RAB38: variants seen among roughly 807,000 people sequenced by gnomAD.
RAB38 encodes RAB38, member RAS oncogene family.
Under a neutral mutation model 18.4 loss-of-function variants are expected in RAB38, and 15 were observed. The observed-to-expected ratio is 0.82, with a 90% CI of 0.55 to 1.26. The LOEUF (loss-of-function observed/expected upper bound fraction) is 1.26, where lower values mean the gene tolerates loss of function less well. Among genes scored for constraint, RAB38 ranks in the 50% most tolerant of loss-of-function variants. The probability of loss-of-function intolerance (pLI) is 0.00; values close to 1 mark genes in which losing one functional copy is unlikely to be tolerated. For missense variants in RAB38, 294 were observed against 267.4 expected (o/e 1.10, Z -0.69); for synonymous variants, 101 against 104.4 (o/e 0.97, Z 0.20).
At chr11:88,144,431 G>A (rs1197261696) in intron 2 of RAB38, among the ~76,000 whole-genome samples, 2 of 152,108 alleles carry the variant, frequency 1.3e-5, no homozygotes, top group East Asian at 1.9e-4. Context: ...AGCTTCCTAC[G>A]GCTGGAAATT....
At chr11:88,163,676 C>T (rs956083967) in intron 1 of RAB38, among the ~76,000 whole-genome samples, 2 of 151,996 alleles carry the variant, frequency 1.3e-5, no homozygotes, top group Non-Finnish European at 2.9e-5. Context: ...TTCATAATTA[C>T]CTTATAGAAC....
rs769010112 is a variant in RAB38 at position 88,114,134 on chromosome 11, T to C, written c.490A>G (p.Ile164Val). The stretch of plus-strand genomic sequence containing the variant: ...CATCTGGAGGCTTCATCAATGTTTA[T>C]ATTTTCCTATGAGGGAAAAAATAAA... ...GWFETSAKEN[I>V]NIDEASRCLV... is the part of the protein sequence containing the mutation. Residue 164 changes from isoleucine (I) to valine (V), a missense_variant, in exon 3 of 3, where the codon ATA becomes GTA. Coordinates refer to ENST00000243662, the MANE Select transcript of RAB38 (RefSeq NM_022337.3). 5.0e-6 allele frequency: 8 copies of C among 1,614,152 alleles called. No homozygotes were observed. The South Asian group carries it at 7.7e-5, about 16-fold the overall frequency.
At chr11:87,888,520 G>A in the RAB38 span, among the ~76,000 whole-genome samples, 1 of 151,898 alleles carries the variant, frequency 6.6e-6, no homozygotes, top group East Asian at 2.0e-4. Context: ...CTAGGATAAA[G>A]ATAATCCGTG....
chr11:87,919,597 T>G, the RAB38 span, among the ~76,000 whole-genome samples: 2 of 151,966 alleles, frequency 1.3e-5, no homozygotes, highest in African/African-American at 4.8e-5. Context: ...GCTTTGGTAT[T>G]AGAGTAATGC....
chr11:88,120,808 G>C (rs145197701), intron 2 of RAB38, among the ~76,000 whole-genome samples: 2 of 151,942 alleles, frequency 1.3e-5, no homozygotes, highest in African/African-American at 4.8e-5. Context: ...CCCCGCTTAC[G>C]TACCAAAAGT....
chr11:88,043,622 G>A, the RAB38 span, among the ~76,000 whole-genome samples: 5 of 35,060 alleles, frequency 1.4e-4, no homozygotes, highest in Non-Finnish European at 2.0e-4. Context: ...CCTGCCCACC[G>A]AGAACAACCC....
At chr11:87,882,693 A>C in the RAB38 span, among the ~76,000 whole-genome samples, 1 of 151,880 alleles carries the variant, frequency 6.6e-6, no homozygotes, top group Non-Finnish European at 1.5e-5. Context: ...CAGTCTCTAT[A>C]GCTACACTCA....
the RAB38 span, among the ~76,000 whole-genome samples, chr11:87,877,945 C>A: frequency 6.6e-6 from 1 of 151,320 alleles, no homozygotes; most frequent in Non-Finnish European, 1.5e-5. Flanking sequence ...ACCATGGTGT[C>A]TTCTCTGTTT....
chr11:87,895,497 G>A, the RAB38 span, among the ~76,000 whole-genome samples: 1 of 151,644 alleles, frequency 6.6e-6, no homozygotes. Context: ...CATGGGATGG[G>A]CAACTTAACT....
At chr11:87,821,190 G>A in the RAB38 span, among the ~76,000 whole-genome samples, 1 of 152,012 alleles carries the variant, frequency 6.6e-6, no homozygotes, top group Non-Finnish European at 1.5e-5. Flanking sequence ...TAAACCAAGG[G>A]AAATAAAGAA....
chr11:87,882,761 A>G, the RAB38 span, among the ~76,000 whole-genome samples: 4 of 151,826 alleles, frequency 2.6e-5, no homozygotes, highest in Non-Finnish European at 5.9e-5. Flanking sequence ...TTGGCATTAG[A>G]AACCATTCCC....
At chr11:87,876,918 A>T in the RAB38 span, among the ~76,000 whole-genome samples, 1 of 151,624 alleles carries the variant, frequency 6.6e-6, no homozygotes, top group Admixed American at 6.6e-5. Flanking sequence ...CACATAATAT[A>T]GTTTCAGTAG....
chr11:88,024,468 A>T, the RAB38 span, among the ~76,000 whole-genome samples: 3 of 152,164 alleles, frequency 2.0e-5, no homozygotes, highest in African/African-American at 7.2e-5. Context: ...TATGAAGAAC[A>T]CTTTAGAGGT....
chr11:87,814,748 T>A, the RAB38 span, among the ~76,000 whole-genome samples: 1 of 151,932 alleles, frequency 6.6e-6, no homozygotes, highest in African/African-American at 2.4e-5. Context: ...TTCTTTTTTT[T>A]TTTGAGACAG....
At chr11:88,166,132 G>A (rs1353422580) in intron 1 of RAB38, 1 of 152,092 alleles carries the variant, frequency 6.6e-6, no homozygotes, top group Non-Finnish European at 1.5e-5. Context: ...AAGGCTCAGA[G>A]GCAATAAGCA....
the RAB38 span, among the ~76,000 whole-genome samples, chr11:88,020,182 A>T: frequency 6.6e-6 from 1 of 152,208 alleles, no homozygotes; most frequent in African/African-American, 2.4e-5. Context: ...AATAGATAAA[A>T]TCAAGACCCA....
chr11:88,006,246 T>A, the RAB38 span, among the ~76,000 whole-genome samples: 1 of 151,528 alleles, frequency 6.6e-6, no homozygotes, highest in Non-Finnish European at 1.5e-5. Context: ...CCAGTCAGAA[T>A]GACAATTTTT....
chr11:88,044,904 T>C, the RAB38 span, among the ~76,000 whole-genome samples: 1 of 151,840 alleles, frequency 6.6e-6, no homozygotes, highest in Non-Finnish European at 1.5e-5. Flanking sequence ...TTTAATCACC[T>C]CCCCTCCTCA....
the RAB38 span, among the ~76,000 whole-genome samples, chr11:87,966,502 A>C: frequency 1.3e-4 from 20 of 152,286 alleles, no homozygotes; most frequent in African/African-American, 4.8e-4. Context: ...TATATTTCTA[A>C]ATTTCCAAGA....
Sources: gnomAD v4.1 joint callset for allele counts (sites outside exome capture counted in the v4.1 genomes callset) on GRCh38, gnomAD v4.1.1 for gene constraint, MANE v1.5 for transcripts, NCBI Gene and HGNC (gene_info 2026-07-23, HGNC 2026-07-21) for gene names.